The following URGCP variants were observed in gnomAD, a reference collection of about 807,000 sequenced individuals.
URGCP encodes upregulator of cell proliferation.
Under a neutral mutation model 24.6 loss-of-function variants are expected in URGCP, and 13 were observed. The ratio of observed to expected loss-of-function variants is 0.53; its 90% CI spans 0.34 to 0.84. The LOEUF (loss-of-function observed/expected upper bound fraction) is 0.84. URGCP is among the 40% of genes least tolerant of loss of function. URGCP has a pLI of 0.01. For synonymous variants in URGCP, 444 were observed against 487.2 expected, an observed-to-expected ratio of 0.91 and a Z score of 1.17; for missense variants, 899 against 1,194.3, an observed-to-expected ratio of 0.75 and a Z score of 3.64.
chr7:43,886,037 T>C (rs968094408), intron 3 of URGCP, among the ~76,000 whole-genome samples: 3 of 152,230 alleles, frequency 2.0e-5, no homozygotes, highest in African/African-American at 7.2e-5. Context: ...CTTCCAGAAT[T>C]TAAGTTCCAT....
At position 43,876,464 on chromosome 7, in the gene URGCP, G is replaced by T; in HGVS notation, c.*203C>A. The T allele has an allele frequency of 6.6e-6, 4 of 601,856 alleles. No homozygotes were observed. The South Asian group carries it at 8.4e-5, about 13-fold the overall frequency. 37.3% of individuals were successfully genotyped at this position (601,856 alleles called of 1,614,324 possible). A position where few individuals can be genotyped will look rare whatever the true frequency, so the allele number is the denominator to read the frequency against. On this transcript the variant is annotated 3_prime_UTR_variant, in exon 6 of 6. Coordinates refer to ENST00000453200, the MANE Select transcript of URGCP (RefSeq NM_001077663.3). ...TACCCTGGGGGCTGTGATATTCTTG[G>T]TAACATCTCTGAGCTGGTCTGTGAG... is the stretch of plus-strand genomic sequence containing the variant.
intron 1 of URGCP, among the ~76,000 whole-genome samples, chr7:43,913,508 G>A (rs1035080946): frequency 3.3e-5 from 5 of 151,930 alleles, no homozygotes; most frequent in Admixed American, 1.3e-4. Flanking sequence ...GTGAACCACC[G>A]CACCTGGCCC....
chr7:43,886,374 ACT>A lies in URGCP; in HGVS notation c.112+1039_112+1040del, dbSNP rs545877209. Among the ~76,000 whole-genome samples the A allele has an allele frequency of 1.3e-4, 20 of 151,794 alleles. No homozygotes were observed. The East Asian group carries it at 3.9e-3, about 29-fold the overall frequency. On this transcript the variant is annotated intron_variant, in intron 3 of 5. Coordinates refer to ENST00000453200, the MANE Select transcript of URGCP (RefSeq NM_001077663.3). ...TAACTCTATTAATATCCAATAGAAC[ACT>A]TTTTTTTTTGGCAGTTAAAACATAG...
At chr7:43,909,141 T>C (rs1306413705), upstream of URGCP, among the ~76,000 whole-genome samples, 2 of 152,222 alleles carry the variant, frequency 1.3e-5, no homozygotes, top group East Asian at 3.8e-4. Context: ...AGGATATCAG[T>C]ATTTTAAGGC....
At chr7:43,922,354 A>G (rs2095923418) in intron 1 of URGCP, among the ~76,000 whole-genome samples, 1 of 152,030 alleles carries the variant, frequency 6.6e-6, no homozygotes, top group Admixed American at 6.6e-5. Context: ...GAGCCACCAT[A>G]CTTGGTATCA....
At chr7:43,916,968 T>C (rs554618645) in intron 1 of URGCP, among the ~76,000 whole-genome samples, 1 of 152,254 alleles carries the variant, frequency 6.6e-6, no homozygotes, top group Non-Finnish European at 1.5e-5. Flanking sequence ...TGCCTTCTTA[T>C]TCCTTTCTCC....
chr7:43,892,177 C>T (rs537439999), intron 1 of URGCP, among the ~76,000 whole-genome samples: 2 of 151,626 alleles, frequency 1.3e-5, no homozygotes, highest in East Asian at 3.9e-4. Context: ...CTTGGCTTCC[C>T]AAAGTGTGGG....
rs1311087885 is a variant in URGCP, at chr7:43,878,749, T to C, written c.714A>G (p.Thr238=). The change falls in exon 6 of 6, where the codon ACA becomes ACG. Residue 238 remains threonine (T), a synonymous_variant. Transcript: ENST00000453200. The surrounding 1 kb of genome is among the most constrained non-coding windows in gnomAD (Gnocchi z 5.6). ...LLWAMRGIVR[T]WWSQPPRGMG... ...TGCCCCTTGGGGGCTGGGACCACCA[T>C]GTCCTCACAATGCCCCGCATGGCCC... The C allele has an allele frequency of 6.2e-7, 1 of 1,614,136 alleles. No individual in the cohort carries two copies. The highest frequency in any genetic ancestry group is 1.1e-5 in the South Asian group (1 of 91,080).
intron 1 of URGCP, among the ~76,000 whole-genome samples, chr7:43,901,514 G>A (rs2095890636): frequency 6.6e-6 from 1 of 152,254 alleles, no homozygotes; most frequent in South Asian, 2.1e-4. Flanking sequence ...CCAATACAAA[G>A]TCTCAGTCCT....
rs201905853 is a variant in URGCP, at chr7:43,878,144, C to T, written c.1319G>A (p.Arg440Gln). ...CACAGATACCCGCCTGCAGGGTGCCCGCAGCACATTCCCAACGATGGCCCG... is the reference window on the plus strand; with the variant it reads ...CACAGATACCCGCCTGCAGGGTGCCTGCAGCACATTCCCAACGATGGCCCG... The part of the protein sequence containing the change: ...RIRAIVGNVL[R>Q]APCRRVSVED... The change falls in exon 6 of 6, where the codon CGG becomes CAG. Residue 440 changes from arginine (R) to glutamine (Q), a missense_variant. Coordinates refer to ENST00000453200, the MANE Select transcript of URGCP (RefSeq NM_001077663.3). The surrounding 1 kb of genome is among the most constrained non-coding windows in gnomAD (Gnocchi z 5.6). 5.1e-5 allele frequency: 82 copies of T among 1,614,124 alleles called. No individual in the cohort carries two copies. Among genetic ancestry groups the T allele is most frequent in the African/African-American group, 1.2e-4 (9 of 74,942 alleles).
In URGCP at chr7:43,878,173, C is replaced by A; in HGVS notation, c.1290G>T (p.Arg430Ser). 6.2e-7 allele frequency: 1 copy of A among 1,614,258 alleles called. No homozygotes were observed. Among genetic ancestry groups the A allele is most frequent in the Non-Finnish European group, 8.5e-7 (1 of 1,180,050 alleles). The change falls in exon 6 of 6, where the codon AGG becomes AGT. Residue 430 changes from arginine (R) to serine (S), a missense_variant. By Grantham distance (110) the Arg-to-Ser change is moderately radical. Coordinates refer to ENST00000453200, the MANE Select transcript of URGCP (RefSeq NM_001077663.3). This position sits in a 1 kb window ranked among gnomAD's most constrained non-coding sequence, Gnocchi z 5.6. The part of the protein sequence containing the change: ...SSTDSDSFVK[R>S]IRAIVGNVLR... ...GCACATTCCCAACGATGGCCCGGAT[C>A]CTCTTCACGAAGCTGTCGCTGTCAG...
chr7:43,882,989 G>A (rs2095856229), intron 3 of URGCP, among the ~76,000 whole-genome samples: 1 of 152,096 alleles, frequency 6.6e-6, no homozygotes, highest in Non-Finnish European at 1.5e-5. Flanking sequence ...GTACATCAGA[G>A]CACAAATACA....
At position 43,878,251 on chromosome 7, in the gene URGCP, T is replaced by C. The variant is rs2095848414; in HGVS notation, c.1212A>G (p.Leu404=). Reference sequence around the variant, plus strand: ...AGTGGTCTATTTTCAGCACAGGAATTAACTTATTCAGAAATCTCAGGTTTG... The same window carrying C: ...AGTGGTCTATTTTCAGCACAGGAATCAACTTATTCAGAAATCTCAGGTTTG... ...RNTNLRFLNK[L]IPVLKIDHSH... Residue 404 remains leucine, a synonymous_variant, in exon 6 of 6, where the codon TTA becomes TTG. Coordinates refer to ENST00000453200, the MANE Select transcript of URGCP (RefSeq NM_001077663.3). This position sits in a 1 kb window ranked among gnomAD's most constrained non-coding sequence, Gnocchi z 5.6. The C allele has an allele frequency of 1.2e-6, 2 of 1,614,206 alleles. No individual in the cohort carries two copies. Among genetic ancestry groups the C allele is most frequent in the Non-Finnish European group, 1.7e-6 (2 of 1,180,046 alleles).
At chr7:43,920,144 G>C in intron 1 of URGCP, 1 of 680,242 alleles carries the variant, frequency 1.5e-6, no homozygotes, top group Non-Finnish European at 2.5e-6. Flanking sequence ...CACAGATCAG[G>C]GACCTCACAC....
At chr7:43,919,007 G>A in intron 1 of URGCP, 2 of 1,202,860 alleles carry the variant, frequency 1.7e-6, no homozygotes, top group African/African-American at 1.5e-5. Context: ...GCAACAACTG[G>A]GCCAGCAGAT....
chr7:43,887,510 A>G (rs570362197), intron 2 of URGCP, 25 bp from the exon 3 acceptor site: 3 of 1,611,996 alleles, frequency 1.9e-6, no homozygotes, highest in Admixed American at 3.4e-5. Context: ...GAAGAAAATT[A>G]TAATTAAAAA....
At chr7:43,911,433 C>T (rs950572944), upstream of URGCP, among the ~76,000 whole-genome samples, 4 of 151,970 alleles carry the variant, frequency 2.6e-5, no homozygotes, top group East Asian at 1.9e-4. Context: ...CGGTGGCTCA[C>T]GCCTGTAATC....
At chr7:43,926,438 G>A (rs1376238665), upstream of URGCP, 7 of 1,149,378 alleles carry the variant, frequency 6.1e-6, no homozygotes, top group Non-Finnish European at 7.8e-6. Flanking sequence ...CGCAGGCTGC[G>A]GCTCCCGGCG....
chr7:43,888,608 G>T (rs1455417175), intron 1 of URGCP: 2 of 152,140 alleles, frequency 1.3e-5, no homozygotes, highest in Non-Finnish European at 1.5e-5. Context: ...AACTGCTGAA[G>T]AAAGGACATA....
Sources: allele counts gnomAD v4.1 joint callset (sites outside exome capture counted in the v4.1 genomes callset), GRCh38; gene constraint gnomAD v4.1.1; non-coding constraint Gnocchi (gnomAD v3.1); transcripts MANE v1.5; gene names NCBI Gene and HGNC (gene_info 2026-07-23, HGNC 2026-07-21).